Variants in PITPNC1 observed in about 807,000 individuals in gnomAD.
The protein encoded by PITPNC1 is cytoplasmic phosphatidylinositol transfer protein 1.
A neutral mutation model predicts 44.7 loss-of-function variants in PITPNC1; 18 were observed. That is an observed-to-expected ratio of 0.40 (90% confidence interval 0.28 to 0.60). The LOEUF is 0.60. PITPNC1 is among the 20% of genes least tolerant of loss of function. The probability of loss-of-function intolerance (pLI) is 0.39; values close to 1 mark genes in which losing one functional copy is unlikely to be tolerated. For missense variants in PITPNC1, 290 were observed against 418.4 expected (o/e 0.69, Z 2.68); for synonymous variants, 141 against 149.6 (o/e 0.94, Z 0.42).
At chr17:67,418,875 C>T (rs1009224368) in intron 1 of PITPNC1, among the ~76,000 whole-genome samples, 12 of 152,024 alleles carry the variant, frequency 7.9e-5, no homozygotes, top group Admixed American at 6.6e-4. Flanking sequence ...GCCACCCCAC[C>T]GGGCCTGAAT....
chr17:67,658,308 A>G (rs1326563129), intron 6 of PITPNC1, among the ~76,000 whole-genome samples: 1 of 152,118 alleles, frequency 6.6e-6, no homozygotes, highest in South Asian at 2.1e-4. Flanking sequence ...CCCTTCACCT[A>G]TTTTAAATAT....
At chr17:67,651,698 C>T (rs2042211411) in intron 6 of PITPNC1, among the ~76,000 whole-genome samples, 1 of 152,144 alleles carries the variant, frequency 6.6e-6, no homozygotes, top group Non-Finnish European at 1.5e-5. Context: ...TCTCCCTACC[C>T]TCTCCCCTCA....
intron 4 of PITPNC1, among the ~76,000 whole-genome samples, chr17:67,554,031 A>G (rs959726617): frequency 3.9e-5 from 6 of 152,180 alleles, no homozygotes; most frequent in Admixed American, 2.6e-4. Flanking sequence ...TTGAAAGTGA[A>G]GAGGCACATG....
At chr17:67,687,035 CG>C (rs1567781221) in intron 8 of PITPNC1, 1 of 1,241,984 alleles carries the variant, frequency 8.1e-7, no homozygotes, top group Non-Finnish European at 1.2e-6. Context: ...CATCTAATAA[CG>C]GAAGTTGCCA....
intron 1 of PITPNC1, among the ~76,000 whole-genome samples, chr17:67,480,284 C>T (rs2039685000): frequency 6.6e-6 from 1 of 152,128 alleles, no homozygotes. Flanking sequence ...ATCTCGCAGA[C>T]AGAATGACTT....
At chr17:67,608,454 T>G (rs1401754434) in intron 5 of PITPNC1, among the ~76,000 whole-genome samples, 2 of 151,556 alleles carry the variant, frequency 1.3e-5, no homozygotes, top group African/African-American at 2.4e-5. Flanking sequence ...ATTGTCACTT[T>G]CTTTAGTCTC....
chr17:67,590,446 A>AT (rs1389887479), intron 5 of PITPNC1, among the ~76,000 whole-genome samples: 1 of 152,198 alleles, frequency 6.6e-6, no homozygotes, highest in East Asian at 1.9e-4. Flanking sequence ...TACTGAAACT[A>AT]TTTTTTGTGT....
chr17:67,422,987 TAGC>T (rs1234241419), intron 1 of PITPNC1, among the ~76,000 whole-genome samples: 1 of 151,954 alleles, frequency 6.6e-6, no homozygotes, highest in Non-Finnish European at 1.5e-5. Context: ...TTCAGTATGC[TAGC>T]ATTTTTTTTT....
At chr17:67,672,726 C>A (rs1404126388) in intron 7 of PITPNC1, among the ~76,000 whole-genome samples, 1 of 152,006 alleles carries the variant, frequency 6.6e-6, no homozygotes, top group Non-Finnish European at 1.5e-5. Context: ...CCTGAAAATA[C>A]CTGTAAGATT....
rs960541952 is a variant in PITPNC1 at position 67,632,071 on chromosome 17, A to T, written c.367-72A>T. On this transcript the variant is annotated intron_variant, in intron 5 of 8. Transcript: ENST00000581322. ...TGTGAAGATGCTCTGTGTGGGGGTT[A>T]TTCTGCCTCGGGCACTTTGGAGGGT... is the stretch of plus-strand genomic sequence containing the variant. The T allele has an allele frequency of 4.5e-6, 4 of 888,394 alleles. No homozygotes were observed. In the African/African-American group the frequency reaches 6.5e-5, roughly 14 times the overall value. 55.0% of individuals were successfully genotyped at this position (888,394 alleles called of 1,614,324 possible).
chr17:67,427,401 A>G (rs1000619106), intron 1 of PITPNC1, among the ~76,000 whole-genome samples: 3 of 151,976 alleles, frequency 2.0e-5, no homozygotes, highest in Admixed American at 6.6e-5. Flanking sequence ...TTTAGTAGAG[A>G]TGGGGTTTCA....
At chr17:67,525,746 G>A (rs145625220) in intron 1 of PITPNC1, among the ~76,000 whole-genome samples, 4 of 152,314 alleles carry the variant, frequency 2.6e-5, no homozygotes, top group East Asian at 1.9e-4. Context: ...AGGTAACAGC[G>A]GAGAAAGCTG....
intron 5 of PITPNC1, among the ~76,000 whole-genome samples, chr17:67,601,587 CA>C (rs1035780041): frequency 2.9e-4 from 42 of 147,062 alleles, no homozygotes; most frequent in Non-Finnish European, 2.4e-4. Context: ...CCCATCTCTA[CA>C]AAAAAAAAAT....
chr17:67,495,835 C>T (rs113369304), intron 1 of PITPNC1, among the ~76,000 whole-genome samples: 7 of 152,250 alleles, frequency 4.6e-5, no homozygotes, highest in African/African-American at 1.7e-4. Context: ...TATAAAGCAC[C>T]TTAAGGGAAG....
chr17:67,586,718 T>G (rs980291088), intron 5 of PITPNC1, among the ~76,000 whole-genome samples: 1 of 152,212 alleles, frequency 6.6e-6, no homozygotes, highest in African/African-American at 2.4e-5. Context: ...TTCATTCAGA[T>G]TTCACCAGTT....
chr17:67,407,899 A>G (rs1002364957), intron 1 of PITPNC1, among the ~76,000 whole-genome samples: 2 of 152,232 alleles, frequency 1.3e-5, no homozygotes, highest in African/African-American at 2.4e-5. Flanking sequence ...CACATCTCAG[A>G]CATGAGTGTG....
At chr17:67,669,428 T>G (rs2042476577) in intron 6 of PITPNC1, 80 bp from the exon 7 acceptor site, 2 of 1,052,610 alleles carry the variant, frequency 1.9e-6, no homozygotes, top group Non-Finnish European at 2.7e-6. Context: ...ATTTCTATGT[T>G]ATTTAATACT....
At position 67,575,819 on chromosome 17, in the gene PITPNC1, TTTCCTTCC is replaced by T. The variant is rs1173397726; in HGVS notation, c.295-2351_295-2344del. Among the ~76,000 whole-genome samples, 75 of 108,496 alleles carry T rather than the reference TTTCCTTCC, an allele frequency of 6.9e-4. 1 individual carries two copies. The highest frequency in any genetic ancestry group is 2.1e-3 in the African/African-American group (58 of 27,808). 71.2% of individuals were successfully genotyped at this position (108,496 alleles called of 152,430 possible). A position where few individuals can be genotyped will look rare whatever the true frequency, so the allele number is the denominator to read the frequency against. ...CCTTCTTTCTTTCTTTCTTTCTTTC[TTTCCTTCC>T]TTCCTTCCTTCCTTCTTTCTTTCTT... On this transcript the variant is annotated intron_variant, in intron 4 of 8. Transcript: ENST00000581322.
At chr17:67,561,984 T>C (rs2040912633) in intron 4 of PITPNC1, among the ~76,000 whole-genome samples, 1 of 152,250 alleles carries the variant, frequency 6.6e-6, no homozygotes, top group Admixed American at 6.5e-5. Context: ...AGTATGTAGA[T>C]ATCAGTATTC....
Sources: gnomAD v4.1 joint callset for allele counts (sites outside exome capture counted in the v4.1 genomes callset) on GRCh38, gnomAD v4.1.1 for gene constraint, MANE v1.5 for transcripts, NCBI Gene and HGNC (gene_info 2026-07-23, HGNC 2026-07-21) for gene names.